The following CDC73 variants were observed in gnomAD, a reference collection of about 807,000 sequenced individuals.
The protein encoded by CDC73 is cell division cycle 73, also known as parafibromin.
In CDC73, 21 loss-of-function variants were observed where a neutral mutation model predicts 83.7. The observed-to-expected ratio is 0.25, with a 90% CI of 0.18 to 0.36. The LOEUF is 0.36. CDC73 is among the 10% of genes least tolerant of loss of function. The pLI is 1.00. For missense variants in CDC73, 342 were observed against 653.3 expected, an observed-to-expected ratio of 0.52 and a Z score of 5.19; for synonymous variants, 224 against 212.9, an observed-to-expected ratio of 1.05 and a Z score of -0.45.
chr1:193,254,705 T>G lies in CDC73; in HGVS notation c.*3993T>G, dbSNP rs1678102903. Among the ~76,000 whole-genome samples the G allele has an allele frequency of 6.6e-6, 1 of 152,188 alleles. No individual in the cohort carries two copies. The highest frequency in any genetic ancestry group is 2.4e-5 in the African/African-American group (1 of 41,448). ...TGTGTATTATTTTAGGTAATCTTTA[T>G]AAGGGCATCTTGGAAGTTATAAATA... On this transcript the variant is annotated 3_prime_UTR_variant, in exon 17 of 17. Transcript: ENST00000367435.
At chr1:193,152,235 C>T (rs901364568) in intron 9 of CDC73, 145 bp from the exon 10 acceptor site, 17 of 609,856 alleles carry the variant, frequency 2.8e-5, no homozygotes, top group African/African-American at 1.7e-4. Flanking sequence ...TTCACAAGTA[C>T]GTAATTTAAT....
At position 193,252,810 on chromosome 1, in the gene CDC73, A is replaced by G. The variant is rs897397501; in HGVS notation, c.*2098A>G. The G allele has an allele frequency of 1.3e-5, 3 of 231,826 alleles. No homozygotes were observed. The highest frequency in any genetic ancestry group is 5.6e-5 in the Admixed American group (1 of 17,728). 14.4% of individuals were successfully genotyped at this position (231,826 alleles called of 1,614,324 possible). A position where few individuals can be genotyped will look rare whatever the true frequency, so the allele number is the denominator to read the frequency against. Reference sequence around the variant, plus strand: ...CTCCCATGACATGGTCCTATATAGCAGTACTTAACACAGTGCCTTGCACAT... The same window carrying G: ...CTCCCATGACATGGTCCTATATAGCGGTACTTAACACAGTGCCTTGCACAT... On this transcript the variant is annotated 3_prime_UTR_variant, in exon 17 of 17. Transcript: ENST00000367435.
At chr1:193,155,062 G>A (rs1462761040) in intron 10 of CDC73, among the ~76,000 whole-genome samples, 1 of 152,138 alleles carries the variant, frequency 6.6e-6, no homozygotes, top group East Asian at 1.9e-4. Context: ...TATCTTTTAA[G>A]TTAAACATCA....
intron 15 of CDC73, among the ~76,000 whole-genome samples, chr1:193,248,815 G>T (rs1290603530): frequency 2.0e-5 from 3 of 152,020 alleles, no homozygotes; most frequent in Non-Finnish European, 4.4e-5. Context: ...CACTCATGCT[G>T]GAACTTGAAT....
intron 10 of CDC73, among the ~76,000 whole-genome samples, chr1:193,194,654 T>C (rs1444785694): frequency 3.9e-5 from 6 of 152,178 alleles, no homozygotes; most frequent in African/African-American, 1.2e-4. Context: ...CCAAGCATTA[T>C]AGACATGCTT....
intron 13 of CDC73, among the ~76,000 whole-genome samples, chr1:193,224,888 C>CT (rs1383635566): frequency 6.6e-6 from 1 of 151,266 alleles, no homozygotes; most frequent in Non-Finnish European, 1.5e-5. Context: ...TACCTTTTGT[C>CT]TTTAAAAAAA....
intron 8 of CDC73, 104 bp from the exon 9 acceptor site, chr1:193,150,200 G>C: frequency 2.5e-6 from 2 of 791,926 alleles, no homozygotes; most frequent in Non-Finnish European, 4.3e-6. Flanking sequence ...GGGCCCAGGA[G>C]GTCTTGGCTG....
Position 193,251,576 on chromosome 1 carries a change from A to G in CDC73, c.*864A>G. 4.3e-6 allele frequency: 1 copy of G among 232,094 alleles called. No homozygotes were observed. The highest frequency in any genetic ancestry group is 6.1e-5 in the East Asian group (1 of 16,394). 14.4% of individuals were successfully genotyped at this position (232,094 alleles called of 1,614,324 possible). ...TATGGTATAGGATTTTGAATCTTCT[A>G]TTTTAGGCTTGTCAGTCTTGGAGTT... On this transcript the variant is annotated 3_prime_UTR_variant, in exon 17 of 17. Transcript: ENST00000367435.
chr1:193,204,173 A>G (rs1022714722), intron 11 of CDC73, among the ~76,000 whole-genome samples: 4 of 149,006 alleles, frequency 2.7e-5, no homozygotes, highest in African/African-American at 9.9e-5. Context: ...TGTTTTTTAT[A>G]TATATATATA....
At position 193,200,072 on chromosome 1, in the gene CDC73, A is replaced by C. The variant is rs539526844; in HGVS notation, c.973-3723A>C. On this transcript the variant is annotated intron_variant, in intron 10 of 16. Coordinates refer to ENST00000367435, the MANE Select transcript of CDC73 (RefSeq NM_024529.5). ...CGAAACCCTGTCTCCACCAAAAAAA[A>C]AAAAAACAAAAAACAAAAACTAGCC... Among the ~76,000 whole-genome samples the C allele has an allele frequency of 1.4e-4, 22 of 151,822 alleles. No homozygotes were observed. The East Asian group carries it at 2.3e-3, about 16-fold the overall frequency.
chr1:193,215,908 C>A (rs1677359533), intron 13 of CDC73, among the ~76,000 whole-genome samples: 1 of 151,978 alleles, frequency 6.6e-6, no homozygotes, highest in African/African-American at 2.4e-5. Flanking sequence ...TTCTTTGAAA[C>A]AAATGAAAAC....
At chr1:193,214,543 C>G (rs1677330395) in intron 13 of CDC73, among the ~76,000 whole-genome samples, 1 of 152,028 alleles carries the variant, frequency 6.6e-6, no homozygotes, top group African/African-American at 2.4e-5. Context: ...CAGTGAAACC[C>G]CGTCTCTACT....
Position 193,161,692 on chromosome 1 carries a change from AAT to A in CDC73, c.972+9253_972+9254del, listed in dbSNP as rs1222772183. On this transcript the variant is annotated intron_variant, in intron 10 of 16. Transcript: ENST00000367435. ...CTATCATATAATATATATAATATAT[AAT>A]ATATTATATATCTATCATATAATAT... Among the ~76,000 whole-genome samples, 14 of 47,790 alleles carry A rather than the reference AAT, an allele frequency of 2.9e-4. 6 individuals carry two copies. Among genetic ancestry groups the A allele is most frequent in the Non-Finnish European group, 2.8e-4 (7 of 24,704 alleles). The allele number at this position is 47,790 out of a possible 152,430, so 31.4% of individuals were successfully genotyped here. A position where few individuals can be genotyped will look rare whatever the true frequency, so the allele number is the denominator to read the frequency against.
At chr1:193,151,662 C>T (rs1178722027) in intron 9 of CDC73, among the ~76,000 whole-genome samples, 1 of 152,222 alleles carries the variant, frequency 6.6e-6, no homozygotes, top group South Asian at 2.1e-4. Flanking sequence ...GTAGCTCACA[C>T]CTGTAATCCC....
At chr1:193,122,725 C>G (rs1003254985) in intron 1 of CDC73, among the ~76,000 whole-genome samples, 5 of 151,190 alleles carry the variant, frequency 3.3e-5, no homozygotes, top group African/African-American at 1.2e-4. Flanking sequence ...TTTTTTTTCT[C>G]TTTTCCAGGC....
In CDC73 at chr1:193,201,103, G is replaced by T. The variant is rs1203726174; in HGVS notation, c.973-2692G>T. 2.6e-5 allele frequency among the ~76,000 whole-genome samples: 4 copies of T among 151,862 alleles called. No homozygotes were observed. The East Asian group carries it at 7.7e-4, about 29-fold the overall frequency. ...TATGTGTATTGGCGGGGGTGGGTGT[G>T]TATACCAACTCAAAAATTAAAGTTG... On this transcript the variant is annotated intron_variant, in intron 10 of 16. Coordinates refer to ENST00000367435, the MANE Select transcript of CDC73 (RefSeq NM_024529.5).
rs2103111254 is a variant in CDC73 at position 193,122,098 on chromosome 1, C to T, written c.-103C>T. The stretch of plus-strand genomic sequence containing the variant: ...TGCTGCTGCTGTTGGTTCGTCGCGG[C>T]GGCGAAGGAGGAGGAGGAAGAGGGC... On this transcript the variant is annotated 5_prime_UTR_variant, in exon 1 of 17. Transcript: ENST00000367435. 2 of 1,145,980 alleles carry T rather than the reference C, an allele frequency of 1.7e-6. No individual in the cohort carries two copies. Among genetic ancestry groups the T allele is most frequent in the South Asian group, 1.3e-5 (1 of 78,160 alleles). 71.0% of individuals were successfully genotyped at this position (1,145,980 alleles called of 1,614,324 possible). A position where few individuals can be genotyped will look rare whatever the true frequency, so the allele number is the denominator to read the frequency against.
chr1:193,152,545 C>A (rs1450343642), intron 10 of CDC73, 101 bp downstream of exon 10: 3 of 797,434 alleles, frequency 3.8e-6, no homozygotes, highest in Non-Finnish European at 6.5e-6. Flanking sequence ...TTATTTCAAA[C>A]ATTTTTCTTT....
intron 13 of CDC73, among the ~76,000 whole-genome samples, chr1:193,224,056 T>G (rs1173670776): frequency 6.6e-6 from 1 of 152,190 alleles, no homozygotes; most frequent in African/African-American, 2.4e-5. Flanking sequence ...AATTATTGTT[T>G]ACTGTAGTCA....
Sources: allele counts gnomAD v4.1 joint callset (sites outside exome capture counted in the v4.1 genomes callset), GRCh38; gene constraint gnomAD v4.1.1; transcripts MANE v1.5; gene names NCBI Gene and HGNC (gene_info 2026-07-23, HGNC 2026-07-21).